SERPINF2: variants seen among roughly 807,000 people sequenced by gnomAD.
SERPINF2 encodes the protein serpin family F member 2.
A neutral mutation model predicts 45.0 loss-of-function variants in SERPINF2; 15 were observed. That is an observed-to-expected ratio of 0.33 (90% CI 0.22 to 0.51). The LOEUF (loss-of-function observed/expected upper bound fraction) is 0.51, where lower values mean the gene tolerates loss of function less well. Ranked by LOEUF, SERPINF2 falls within the 20% of genes least tolerant of loss-of-function variation. The probability of loss-of-function intolerance (pLI) is 0.97; values close to 1 mark genes in which losing one functional copy is unlikely to be tolerated. For missense variants in SERPINF2, 518 were observed against 637.4 expected, an observed-to-expected ratio of 0.81 and a Z score of 2.02; for synonymous variants, 283 against 277.9, an observed-to-expected ratio of 1.02 and a Z score of -0.18.
At chr17:1,753,772 T>C (rs1230019228) in intron 9 of SERPINF2, among the ~76,000 whole-genome samples, 1 of 152,220 alleles carries the variant, frequency 6.6e-6, no homozygotes, top group Non-Finnish European at 1.5e-5. Context: ...CCAGGCACTG[T>C]ACCAGGTACC....
Position 1,754,353 on chromosome 17 carries a change from G to T in SERPINF2, c.1295G>T (p.Ser432Ile), listed in dbSNP as rs764118664. The T allele has an allele frequency of 3.1e-6, 5 of 1,614,194 alleles. No homozygotes were observed. Among genetic ancestry groups the T allele is most frequent in the Middle Eastern group, 3.3e-4 (2 of 6,062 alleles). Residue 432 changes from serine (S) to isoleucine (I), a missense_variant, in exon 10 of 10, where the codon AGC becomes ATC. Physicochemically the swap from Ser to Ile is moderately radical, Grantham distance 142. Transcript: ENST00000453066. ...ACAGGCCTTCCCCTCTTCGTGGGCA[G>T]CGTGAGGAACCCCAACCCCAGTGCA... Reference protein sequence around the residue: ...DTTGLPLFVGSVRNPNPSAPR... With the variant: ...DTTGLPLFVGIVRNPNPSAPR...
At position 1,745,056 on chromosome 17, in the gene SERPINF2, G is replaced by A. The variant is rs372981803; in HGVS notation, c.61G>A (p.Val21Met). The A allele has an allele frequency of 5.3e-5, 85 of 1,613,132 alleles. No homozygotes were observed. Among genetic ancestry groups the A allele is most frequent in the Admixed American group, 2.5e-4 (15 of 59,980 alleles). The change falls in exon 2 of 10, where the codon GTG becomes ATG. Residue 21 changes from valine to methionine, a missense_variant and splice_region_variant. Physicochemically the swap from Val to Met is conservative, Grantham distance 21. Around this residue, in one of 2 missense-constraint regions of SERPINF2, gnomAD observed 435 missense variants for 577.3 expected, o/e 0.75. Coordinates refer to ENST00000453066, the MANE Select transcript of SERPINF2 (RefSeq NM_000934.4). The surrounding 1 kb of genome is among the most constrained non-coding windows in gnomAD (Gnocchi z 6.2). ...SWSCLQGPCS[V>M]FSPVSAMEPL... ...GTCCTGCCTGCAAGGCCCCTGCTCC[G>A]TGGTGAGGCTGGGCTGAAGTCAAGG...
At chr17:1,743,088 G>C (rs1905438079) in intron 1 of SERPINF2, 180 bp downstream of exon 1, 1 of 985,238 alleles carries the variant, frequency 1.0e-6, no homozygotes, top group Non-Finnish European at 1.2e-6. Context: ...TCGGAGTCGG[G>C]GCCCTGGCCA....
chr17:1,748,964 C>A (rs1169417746), intron 8 of SERPINF2, among the ~76,000 whole-genome samples: 2 of 152,228 alleles, frequency 1.3e-5, no homozygotes, highest in Non-Finnish European at 2.9e-5. Flanking sequence ...TGAAAATATA[C>A]TGGGCATTTG....
intron 7 of SERPINF2, among the ~76,000 whole-genome samples, chr17:1,748,369 C>T (rs994342952): frequency 6.6e-6 from 1 of 152,064 alleles, no homozygotes; most frequent in Non-Finnish European, 1.5e-5. Context: ...AAAACACAAG[C>T]CCAGATTTCA....
chr17:1,751,393 G>C (rs1054310743), intron 8 of SERPINF2, among the ~76,000 whole-genome samples: 2 of 92,290 alleles, frequency 2.2e-5, no homozygotes, highest in African/African-American at 5.5e-5. Flanking sequence ...AGGTTGCAGT[G>C]AGCCAAGATC....
chr17:1,753,177 G>C (rs1017083501), intron 9 of SERPINF2, among the ~76,000 whole-genome samples: 1 of 152,194 alleles, frequency 6.6e-6, no homozygotes, highest in African/African-American at 2.4e-5. Flanking sequence ...AGCTGAAGTG[G>C]GTGGATTGCT....
At chr17:1,744,322 G>A (rs1454088048) in intron 1 of SERPINF2, among the ~76,000 whole-genome samples, 1 of 151,860 alleles carries the variant, frequency 6.6e-6, no homozygotes, top group Non-Finnish European at 1.5e-5. Flanking sequence ...GAGAAACCCC[G>A]TTTCTACTAA....
chr17:1,744,144 C>G (rs965165020), intron 1 of SERPINF2, among the ~76,000 whole-genome samples: 31 of 151,314 alleles, frequency 2.0e-4, no homozygotes, highest in Admixed American at 1.6e-3. Context: ...ATCCACCTGC[C>G]CCTGGCCTCC....
chr17:1,745,445 G>A lies in SERPINF2; in HGVS notation c.165+50G>A, dbSNP rs1345800719. 1 of 1,569,376 alleles carries A rather than the reference G, an allele frequency of 6.4e-7. No individual in the cohort carries two copies. ...GAGTGGGCGGGGCTAGAGGGAGGAG[G>A]GCCCATCGGCAGGGGTCGGGGGGTG... On this transcript the variant is annotated intron_variant, in intron 4 of 9. Transcript: ENST00000453066. The surrounding 1 kb of genome is among the most constrained non-coding windows in gnomAD (Gnocchi z 6.2).
At position 1,745,580 on chromosome 17, in the gene SERPINF2, A is replaced by T; in HGVS notation, c.166-128A>T. 8.4e-7 allele frequency: 1 copy of T among 1,194,970 alleles called. No individual in the cohort carries two copies. The highest frequency in any genetic ancestry group is 1.2e-6 in the Non-Finnish European group (1 of 831,574). 74.0% of individuals were successfully genotyped at this position (1,194,970 alleles called of 1,614,324 possible). On this transcript the variant is annotated intron_variant, in intron 4 of 9. Coordinates refer to ENST00000453066, the MANE Select transcript of SERPINF2 (RefSeq NM_000934.4). This position sits in a 1 kb window ranked among gnomAD's most constrained non-coding sequence, Gnocchi z 6.2. ...CCAGAATGCCAGTGCCCTCCGTCTGACGCTCCCTCTTCCCTGGGGCTGGGA... is the reference window on the plus strand; with the variant it reads ...CCAGAATGCCAGTGCCCTCCGTCTGTCGCTCCCTCTTCCCTGGGGCTGGGA...
Position 1,747,570 on chromosome 17 carries a change from C to A in SERPINF2, c.715+58C>A, listed in dbSNP as rs1168117115. 5 of 1,563,374 alleles carry A rather than the reference C, an allele frequency of 3.2e-6. No individual in the cohort carries two copies. The Admixed American group carries it at 7.2e-5, about 23-fold the overall frequency. The stretch of plus-strand genomic sequence containing the variant: ...TGTAGGCTGAGCTGGGACGTGCAGG[C>A]CTTTTTGTTTTTTGAGACAAGTCTC... On this transcript the variant is annotated intron_variant, in intron 7 of 9. Coordinates refer to ENST00000453066, the MANE Select transcript of SERPINF2 (RefSeq NM_000934.4).
At chr17:1,751,342 G>T (rs576825164) in intron 8 of SERPINF2, among the ~76,000 whole-genome samples, 126 of 151,962 alleles carry the variant, frequency 8.3e-4, no homozygotes, top group African/African-American at 3.0e-3. Flanking sequence ...CCAGCTACTC[G>T]GGAGGCTGAG....
At chr17:1,752,814 C>T (rs1450840143) in intron 9 of SERPINF2, 24 bp downstream of exon 9, 7 of 1,578,694 alleles carry the variant, frequency 4.4e-6, no homozygotes, top group Non-Finnish European at 5.2e-6. Context: ...TGCGGGCGAG[C>T]CCCCGAGGTC....
In SERPINF2 at chr17:1,747,468, C is replaced by T; in HGVS notation, c.671C>T (p.Pro224Leu). ...ATTCAGGAATTCCTCTCTGGGCTGCCGGAAGACACCGTGTTGCTTCTCCTC... is the reference window on the plus strand; with the variant it reads ...ATTCAGGAATTCCTCTCTGGGCTGCTGGAAGACACCGTGTTGCTTCTCCTC... Reference protein sequence around the residue: ...GKIQEFLSGLPEDTVLLLLNA... With the variant: ...GKIQEFLSGLLEDTVLLLLNA... The change falls in exon 7 of 10, where the codon CCG (proline) becomes CTG (leucine). Residue 224 changes from proline to leucine, a missense_variant. Pro to Leu is a moderately conservative substitution (Grantham distance 98). This residue lies in a region of SERPINF2 where 435 missense variants were observed against 577.3 expected (regional missense o/e 0.75). Coordinates refer to ENST00000453066, the MANE Select transcript of SERPINF2 (RefSeq NM_000934.4). The T allele has an allele frequency of 1.9e-6, 3 of 1,614,104 alleles. No individual in the cohort carries two copies. The highest frequency in any genetic ancestry group is 2.5e-6 in the Non-Finnish European group (3 of 1,180,024).
rs190791771 is a variant in SERPINF2 at position 1,752,021 on chromosome 17, C to T, written c.859-565C>T. Among the ~76,000 whole-genome samples the T allele has an allele frequency of 7.2e-5, 10 of 138,294 alleles. 3 individuals carry two copies. The highest frequency in any genetic ancestry group is 5.6e-4 in the East Asian group (2 of 3,558). 90.7% of individuals were successfully genotyped at this position (138,294 alleles called of 152,430 possible). A position where few individuals can be genotyped will look rare whatever the true frequency, so the allele number is the denominator to read the frequency against. ...AAAACCACCAGGTATTATTGAGCAC[C>T]GTCTGTGACAGCGGACACTGCTACA... On this transcript the variant is annotated intron_variant, in intron 8 of 9. Coordinates refer to ENST00000453066, the MANE Select transcript of SERPINF2 (RefSeq NM_000934.4).
chr17:1,750,885 G>A (rs1372314722), intron 8 of SERPINF2, among the ~76,000 whole-genome samples: 3 of 152,128 alleles, frequency 2.0e-5, no homozygotes, highest in Non-Finnish European at 4.4e-5. Context: ...CCACCTCCCC[G>A]AGGCTCCCCT....
intron 8 of SERPINF2, among the ~76,000 whole-genome samples, chr17:1,752,186 C>T (rs962094765): frequency 6.6e-6 from 1 of 151,820 alleles, no homozygotes; most frequent in African/African-American, 2.4e-5. Context: ...CGAGTTGCTG[C>T]GATTACAAGC....
chr17:1,745,446 G>T lies in SERPINF2; in HGVS notation c.165+51G>T. On this transcript the variant is annotated intron_variant, in intron 4 of 9. Coordinates refer to ENST00000453066, the MANE Select transcript of SERPINF2 (RefSeq NM_000934.4). This position sits in a 1 kb window ranked among gnomAD's most constrained non-coding sequence, Gnocchi z 6.2. ...AGTGGGCGGGGCTAGAGGGAGGAGG[G>T]CCCATCGGCAGGGGTCGGGGGGTGG... 1 of 662,824 alleles carries T rather than the reference G, an allele frequency of 1.5e-6. No homozygotes were observed. The highest frequency in any genetic ancestry group is 2.2e-6 in the Non-Finnish European group (1 of 453,942). 41.1% of individuals were successfully genotyped at this position (662,824 alleles called of 1,614,324 possible). A position where few individuals can be genotyped will look rare whatever the true frequency, so the allele number is the denominator to read the frequency against.
Sources: gnomAD v4.1 joint callset for allele counts (sites outside exome capture counted in the v4.1 genomes callset) on GRCh38, gnomAD v4.1.1 for gene constraint, gnomAD v4.1.1 regional missense constraint, Gnocchi (gnomAD v3.1) non-coding constraint, MANE v1.5 for transcripts, NCBI Gene and HGNC (gene_info 2026-07-23, HGNC 2026-07-21) for gene names.